The following FHIT variants were observed in gnomAD, a reference collection of about 807,000 sequenced individuals.
FHIT encodes the protein bis(5'-adenosyl)-triphosphatase.
Under a neutral mutation model 17.9 loss-of-function variants are expected in FHIT, and 19 were observed. The observed-to-expected ratio is 1.06, with a 90% confidence interval of 0.74 to 1.56. The LOEUF is 1.56. Among genes scored for constraint, FHIT ranks in the 40% most tolerant of loss-of-function variants. FHIT has a pLI of 0.00. For synonymous variants in FHIT, 81 were observed against 69.7 expected (o/e 1.16, Z -0.81); for missense variants, 248 against 189.2 (o/e 1.31, Z -1.82).
At chr3:60,270,838 T>C (rs1706823799) in intron 5 of FHIT, among the ~76,000 whole-genome samples, 1 of 152,134 alleles carries the variant, frequency 6.6e-6, no homozygotes, top group African/African-American at 2.4e-5. Flanking sequence ...AAGGATTTTA[T>C]CCTTCCAGAG....
chr3:59,997,198 T>G (rs942181988), intron 7 of FHIT, among the ~76,000 whole-genome samples: 12 of 152,106 alleles, frequency 7.9e-5, no homozygotes, highest in African/African-American at 2.9e-4. Context: ...GGAACCAGTT[T>G]GGGAAAGGGA....
intron 8 of FHIT, among the ~76,000 whole-genome samples, chr3:59,780,505 A>G (rs144296107): frequency 1.4e-4 from 22 of 152,280 alleles, no homozygotes; most frequent in Admixed American, 1.4e-3. Flanking sequence ...TAATCCCTGG[A>G]GTTCCAGGGT....
At chr3:60,103,821 G>A (rs986693769) in intron 5 of FHIT, among the ~76,000 whole-genome samples, 16 of 152,148 alleles carry the variant, frequency 1.1e-4, no homozygotes, top group African/African-American at 3.9e-4. Flanking sequence ...TCAGGAATAT[G>A]TTTTCCTTTG....
At chr3:60,124,582 A>G (rs1197517356) in intron 5 of FHIT, among the ~76,000 whole-genome samples, 1 of 152,142 alleles carries the variant, frequency 6.6e-6, no homozygotes, top group African/African-American at 2.4e-5. Flanking sequence ...CACTATATCA[A>G]TATAAGTTGT....
Position 59,752,398 on chromosome 3 carries a change from G to T in FHIT, c.349-77C>A. ...TTGAACAAATTTCGGGGGGCTGGGGGAGACTGAACAAAATTTGCAAATTAG... is the reference window on the plus strand; with the variant it reads ...TTGAACAAATTTCGGGGGGCTGGGGTAGACTGAACAAAATTTGCAAATTAG... On this transcript the variant is annotated intron_variant, in intron 8 of 9. Transcript: ENST00000492590. The T allele has an allele frequency of 3.6e-6, 4 of 1,124,634 alleles. No individual in the cohort carries two copies. In the South Asian group the frequency reaches 4.2e-5, roughly 12 times the overall value. 69.7% of individuals were successfully genotyped at this position (1,124,634 alleles called of 1,614,324 possible).
At chr3:60,955,610 A>ATATATACATATATGTATATATATATATG (rs1709092437) in intron 3 of FHIT, among the ~76,000 whole-genome samples, 1 of 13,118 alleles carries the variant, frequency 7.6e-5, no homozygotes, top group African/African-American at 1.8e-4. Context: ...ATATATATAT[A>ATATATACATATATGTATATATATATATG]TATATATATA....
rs146567286 is a variant in FHIT, at chr3:59,826,562, G to A, written c.349-74241C>T. Among the ~76,000 whole-genome samples the A allele has an allele frequency of 5.9e-5, 9 of 152,350 alleles. No homozygotes were observed. The East Asian group carries it at 1.7e-3, about 29-fold the overall frequency. On this transcript the variant is annotated intron_variant, in intron 8 of 9. Coordinates refer to ENST00000492590, the MANE Select transcript of FHIT (RefSeq NM_002012.4). ...TGGTAAGTATGTGTAAGGCTTCTTG[G>A]GGAAATGACCCTTCAGTGCCTTTAT...
At chr3:60,431,165 C>T (rs75844455) in intron 5 of FHIT, among the ~76,000 whole-genome samples, 15,156 of 150,988 alleles carry the variant, frequency 0.1, 1,246 homozygotes, top group East Asian at 0.38. Context: ...GAGCTGAGAT[C>T]GCACCACTGC....
At chr3:59,786,147 G>T (rs1699279459) in intron 8 of FHIT, among the ~76,000 whole-genome samples, 1 of 152,170 alleles carries the variant, frequency 6.6e-6, no homozygotes, top group South Asian at 2.1e-4. Flanking sequence ...CACACCAAAA[G>T]TGAAAGGCAG....
rs1435321937 is a variant in FHIT, at chr3:61,193,023, C to T, written c.-164+7594G>A. On this transcript the variant is annotated intron_variant, in intron 2 of 9. Coordinates refer to ENST00000492590, the MANE Select transcript of FHIT (RefSeq NM_002012.4). The stretch of plus-strand genomic sequence containing the variant: ...CTTCCCTTTGTCTCCCAGACATATT[C>T]AAACGCAAAAGATGCTAAAAGACAA... Among the ~76,000 whole-genome samples the T allele has an allele frequency of 2.0e-5, 3 of 152,320 alleles. No homozygotes were observed. In the East Asian group the frequency reaches 5.8e-4, roughly 29 times the overall value.
At chr3:59,918,326 T>C (rs1352720888) in intron 8 of FHIT, among the ~76,000 whole-genome samples, 1 of 152,172 alleles carries the variant, frequency 6.6e-6, no homozygotes, top group Non-Finnish European at 1.5e-5. Context: ...GGGATGCAGG[T>C]ATTGAATAAT....
chr3:60,140,797 C>T (rs747555153), intron 5 of FHIT, among the ~76,000 whole-genome samples: 17 of 151,962 alleles, frequency 1.1e-4, no homozygotes, highest in African/African-American at 1.7e-4. Context: ...AGGCTGGTTT[C>T]GAACTCCCAA....
chr3:60,834,580 C>T (rs560357293), intron 3 of FHIT, among the ~76,000 whole-genome samples: 15 of 151,914 alleles, frequency 9.9e-5, no homozygotes, highest in African/African-American at 2.7e-4. Flanking sequence ...GGTCTTAGGC[C>T]GGGCGTGGTG....
At chr3:59,971,939 C>T (rs150597062) in intron 7 of FHIT, among the ~76,000 whole-genome samples, 5 of 152,254 alleles carry the variant, frequency 3.3e-5, no homozygotes, top group African/African-American at 1.2e-4. Context: ...TCATTTCTCC[C>T]ATTCAGTTAG....
At chr3:60,201,815 AC>A (rs1702922112) in intron 5 of FHIT, among the ~76,000 whole-genome samples, 1 of 149,760 alleles carries the variant, frequency 6.7e-6, no homozygotes, top group African/African-American at 2.5e-5. Context: ...TCCTAACTAG[AC>A]CCCAGTTAAA....
intron 3 of FHIT, among the ~76,000 whole-genome samples, chr3:60,998,360 C>A (rs2030821651): frequency 6.6e-6 from 1 of 152,078 alleles, no homozygotes; most frequent in South Asian, 2.1e-4. Flanking sequence ...GTAATAGGTA[C>A]TCATTTGGAC....
intron 5 of FHIT, among the ~76,000 whole-genome samples, chr3:60,130,153 A>G (rs1417670501): frequency 6.6e-6 from 1 of 152,208 alleles, no homozygotes; most frequent in East Asian, 1.9e-4. Context: ...CAATCATTAA[A>G]GGTGCAAAGG....
At chr3:60,175,402 G>T (rs1179187171) in intron 5 of FHIT, among the ~76,000 whole-genome samples, 1 of 152,142 alleles carries the variant, frequency 6.6e-6, no homozygotes, top group African/African-American at 2.4e-5. Context: ...GTCCTACAGG[G>T]TATCTCAGGG....
intron 1 of FHIT, among the ~76,000 whole-genome samples, chr3:61,241,498 C>A (rs1323256064): frequency 2.0e-5 from 3 of 152,148 alleles, no homozygotes; most frequent in African/African-American, 7.2e-5. Context: ...TTACCACATT[C>A]CACAGACTTC....
Sources: allele counts gnomAD v4.1 joint callset (sites outside exome capture counted in the v4.1 genomes callset), GRCh38; gene constraint gnomAD v4.1.1; transcripts MANE v1.5; gene names NCBI Gene and HGNC (gene_info 2026-07-23, HGNC 2026-07-21).